LHFPL2: variants seen among roughly 807,000 people sequenced by gnomAD.
LHFPL2 encodes the protein LHFPL tetraspan subfamily member 2.
Under a neutral mutation model 17.5 loss-of-function variants are expected in LHFPL2, and 7 were observed. The ratio of observed to expected loss-of-function variants is 0.40; its 90% CI spans 0.23 to 0.75. LHFPL2 has a LOEUF of 0.75. Among genes scored for constraint, LHFPL2 ranks in the 30% least tolerant of loss-of-function variants. The pLI, the probability that LHFPL2 is intolerant of heterozygous loss-of-function variation, is 0.37. For missense variants in LHFPL2, 241 were observed against 294.8 expected (o/e 0.82, Z 1.34); for synonymous variants, 134 against 116.2 (o/e 1.15, Z -0.99).
intron 3 of LHFPL2, among the ~76,000 whole-genome samples, chr5:78,520,545 A>G (rs1026412545): frequency 2.6e-5 from 4 of 152,174 alleles, no homozygotes; most frequent in African/African-American, 4.8e-5. Flanking sequence ...TCCTCTGGAG[A>G]GGGAGGTCTC....
intron 3 of LHFPL2, among the ~76,000 whole-genome samples, chr5:78,540,947 G>A (rs187818672): frequency 3.0e-4 from 46 of 152,256 alleles, no homozygotes; most frequent in African/African-American, 1.1e-3. Context: ...TGTCCTTCAC[G>A]AGTGGACAAT....
intron 2 of LHFPL2, among the ~76,000 whole-genome samples, chr5:78,605,430 G>A (rs183809304): frequency 2.6e-4 from 40 of 152,188 alleles, no homozygotes; most frequent in African/African-American, 9.6e-4. Context: ...TTTCATTGGC[G>A]ACTCCTCTGT....
In LHFPL2 at chr5:78,562,570, G is replaced by A. The variant is rs1756756761; in HGVS notation, c.-186+2243C>T. 2.0e-5 allele frequency among the ~76,000 whole-genome samples: 3 copies of A among 151,844 alleles called. No individual in the cohort carries two copies. In the South Asian group the frequency reaches 6.3e-4, roughly 32 times the overall value. ...GAACTACTTGAACTGGGGAGGCGGA[G>A]GCTGCAGTGAGCCAAGATCATGTCA... is the stretch of plus-strand genomic sequence containing the variant. On this transcript the variant is annotated intron_variant, in intron 3 of 4. Coordinates refer to ENST00000380345, the MANE Select transcript of LHFPL2 (RefSeq NM_005779.3).
At chr5:78,579,361 CT>C (rs1339514668) in intron 2 of LHFPL2, among the ~76,000 whole-genome samples, 1 of 151,666 alleles carries the variant, frequency 6.6e-6, no homozygotes, top group African/African-American at 2.4e-5. Flanking sequence ...TATTATTATA[CT>C]TTAAGTTTTA....
chr5:78,553,061 T>C (rs1756488937), intron 3 of LHFPL2, among the ~76,000 whole-genome samples: 1 of 152,210 alleles, frequency 6.6e-6, no homozygotes, highest in Non-Finnish European at 1.5e-5. Flanking sequence ...AAATGGTGCA[T>C]GCCTTTGGAC....
At chr5:78,599,781 CT>C (rs1260541417) in intron 2 of LHFPL2, among the ~76,000 whole-genome samples, 1 of 152,142 alleles carries the variant, frequency 6.6e-6, no homozygotes, top group Non-Finnish European at 1.5e-5. Flanking sequence ...GGGAGACAGC[CT>C]TCAGCATGTA....
chr5:78,488,795 C>A lies in LHFPL2; in HGVS notation c.*102G>T. The A allele has an allele frequency of 7.2e-7, 1 of 1,387,322 alleles. No individual in the cohort carries two copies. The allele number at this position is 1,387,322 out of a possible 1,614,324, so 85.9% of individuals were successfully genotyped here. A position where few individuals can be genotyped will look rare whatever the true frequency, so the allele number is the denominator to read the frequency against. Reference sequence around the variant, plus strand: ...TTAAGCCTCGGGCCGTGGAACGTGGCTTTGGTAGGTAAAGGTTAGTTCTCC... The same window carrying A: ...TTAAGCCTCGGGCCGTGGAACGTGGATTTGGTAGGTAAAGGTTAGTTCTCC... On this transcript the variant is annotated 3_prime_UTR_variant, in exon 5 of 5. Transcript: ENST00000380345.
At position 78,558,987 on chromosome 5, in the gene LHFPL2, T is replaced by C. The variant is rs370321239; in HGVS notation, c.-186+5826A>G. Among the ~76,000 whole-genome samples, 133 of 152,288 alleles carry C rather than the reference T, an allele frequency of 8.7e-4. 1 individual carries two copies. The highest frequency in any genetic ancestry group is 3.1e-3 in the African/African-American group (129 of 41,560). On this transcript the variant is annotated intron_variant, in intron 3 of 4. Transcript: ENST00000380345. Reference sequence around the variant, plus strand: ...GCCACAGAGAGCTGCCCTGTTCCTGTCCAAAGCTAACTCCCTGGGTACCTG... The same window carrying C: ...GCCACAGAGAGCTGCCCTGTTCCTGCCCAAAGCTAACTCCCTGGGTACCTG...
At chr5:78,618,770 C>T (rs527243342) in intron 2 of LHFPL2, among the ~76,000 whole-genome samples, 8 of 152,240 alleles carry the variant, frequency 5.3e-5, no homozygotes, top group Non-Finnish European at 1.0e-4. Flanking sequence ...TCCAGCCATA[C>T]CGTATATAAA....
rs1745869753 is a variant in LHFPL2 at position 78,646,102 on chromosome 5, G to T, written c.-350+2397C>A. On this transcript the variant is annotated intron_variant, in intron 1 of 4. Transcript: ENST00000380345. ...ATACCTGAAGCTGCCATTGCAACAG[G>T]ACATGTAGCTTGGAATTGCAAGCCA... Among the ~76,000 whole-genome samples, 3 of 152,186 alleles carry T rather than the reference G, an allele frequency of 2.0e-5. No individual in the cohort carries two copies. In the South Asian group the frequency reaches 6.2e-4, roughly 31 times the overall value.
intron 1 of LHFPL2, among the ~76,000 whole-genome samples, chr5:78,639,168 C>A (rs1164910406): frequency 6.6e-6 from 1 of 152,154 alleles, no homozygotes; most frequent in African/African-American, 2.4e-5. Context: ...CTTCCCACCA[C>A]CACCACCATT....
At chr5:78,489,399 G>A (rs769230722) in intron 4 of LHFPL2, among the ~76,000 whole-genome samples, 8 of 152,152 alleles carry the variant, frequency 5.3e-5, no homozygotes, top group Non-Finnish European at 8.8e-5. Flanking sequence ...TTCTAGAAAA[G>A]CAAATTGGTA....
At chr5:78,490,460 G>C (rs1287894467) in intron 4 of LHFPL2, among the ~76,000 whole-genome samples, 4 of 152,056 alleles carry the variant, frequency 2.6e-5, no homozygotes, top group Non-Finnish European at 4.4e-5. Context: ...CTTGGTAACA[G>C]ATCTTCTTTA....
chr5:78,501,350 C>T lies in LHFPL2; in HGVS notation c.430+8434G>A, dbSNP rs576054480. ...ACTTACTAAACTTCCTTGATTTTGCCGTGAAATGGGAGAAGCCTTAGCACA... is the reference window on the plus strand; with the variant it reads ...ACTTACTAAACTTCCTTGATTTTGCTGTGAAATGGGAGAAGCCTTAGCACA... On this transcript the variant is annotated intron_variant, in intron 4 of 4. Coordinates refer to ENST00000380345, the MANE Select transcript of LHFPL2 (RefSeq NM_005779.3). Among the ~76,000 whole-genome samples, 10 of 152,222 alleles carry T rather than the reference C, an allele frequency of 6.6e-5. 1 individual carries two copies. In the South Asian group the frequency reaches 1.7e-3, roughly 25 times the overall value.
At chr5:78,639,540 C>A (rs1277819276) in intron 1 of LHFPL2, among the ~76,000 whole-genome samples, 1 of 152,080 alleles carries the variant, frequency 6.6e-6, no homozygotes, top group Non-Finnish European at 1.5e-5. Flanking sequence ...CCCTGAAAGG[C>A]CCACTGTAAG....
At chr5:78,571,005 A>G (rs1389438628) in intron 2 of LHFPL2, among the ~76,000 whole-genome samples, 2 of 152,200 alleles carry the variant, frequency 1.3e-5, no homozygotes, top group Non-Finnish European at 2.9e-5. Flanking sequence ...CAAGACACAG[A>G]GTAAGGGAGA....
At chr5:78,572,006 C>T (rs375485183) in intron 2 of LHFPL2, among the ~76,000 whole-genome samples, 2 of 152,142 alleles carry the variant, frequency 1.3e-5, no homozygotes, top group African/African-American at 4.8e-5. Context: ...TTGATGAATA[C>T]ACGCGTGGGC....
intron 4 of LHFPL2, among the ~76,000 whole-genome samples, chr5:78,508,077 G>T (rs1754988752): frequency 6.6e-6 from 1 of 152,070 alleles, no homozygotes; most frequent in African/African-American, 2.4e-5. Context: ...ATATTTCTGG[G>T]TGGTGAGATG....
intron 2 of LHFPL2, among the ~76,000 whole-genome samples, chr5:78,572,182 T>C (rs931281498): frequency 6.6e-5 from 10 of 151,972 alleles, no homozygotes; most frequent in African/African-American, 2.4e-4. Context: ...TGCAAACATA[T>C]AGGAGGTGAC....
Sources: allele counts gnomAD v4.1 joint callset (sites outside exome capture counted in the v4.1 genomes callset), GRCh38; gene constraint gnomAD v4.1.1; transcripts MANE v1.5; gene names NCBI Gene and HGNC (gene_info 2026-07-23, HGNC 2026-07-21).